The following ANKS1A variants were observed in gnomAD, a reference collection of about 807,000 sequenced individuals.
ANKS1A encodes ankyrin repeat and SAM domain-containing protein 1A.
In ANKS1A, 55 loss-of-function variants were observed where a neutral mutation model predicts 120.3. The ratio of observed to expected loss-of-function variants is 0.46; its 90% CI spans 0.37 to 0.57. The LOEUF (loss-of-function observed/expected upper bound fraction) is 0.57, where lower values mean the gene tolerates loss of function less well. Among genes scored for constraint, ANKS1A ranks in the 20% least tolerant of loss-of-function variants. The probability of loss-of-function intolerance (pLI) is 0.00; values close to 1 mark genes in which losing one functional copy is unlikely to be tolerated. For synonymous variants in ANKS1A, 590 were observed against 604.7 expected, an observed-to-expected ratio of 0.98 and a Z score of 0.36; for missense variants, 1,123 against 1,480.3, an observed-to-expected ratio of 0.76 and a Z score of 3.96.
Position 34,967,266 on chromosome 6 carries a change from T to C in ANKS1A, c.225T>C (p.Cys75=), listed in dbSNP as rs1770941195. The stretch of plus-strand genomic sequence containing the variant: ...TGTGGAGAGGGCCAAATGTGAACTG[T>C]GTTGACAGCACTGGCTACACACCCC... ...LSMWRGPNVN[C]VDSTGYTPLH... Residue 75 remains cysteine, a synonymous_variant, in exon 2 of 24, where the codon TGT becomes TGC. Transcript: ENST00000360359. 1 of 1,614,002 alleles carries C rather than the reference T, an allele frequency of 6.2e-7. No individual in the cohort carries two copies. Among genetic ancestry groups the C allele is most frequent in the Admixed American group, 1.7e-5 (1 of 59,996 alleles).
rs567411635 is a variant in ANKS1A at position 35,086,579 on chromosome 6, C to T, written c.3304-373C>T. On this transcript the variant is annotated intron_variant, in intron 22 of 23. Transcript: ENST00000360359. The surrounding 1 kb of genome is among the most constrained non-coding windows in gnomAD (Gnocchi z 5.1). ...TCTGGGGTGACTGCTGTGGTCTTGC[C>T]TTGGGGTGAGCTCTCTGGGCCTACC... 2.1e-3 allele frequency among the ~76,000 whole-genome samples: 323 copies of T among 152,128 alleles called. 2 individuals are homozygous for T. Among genetic ancestry groups the T allele is most frequent in the African/African-American group, 7.3e-3 (301 of 41,514 alleles).
At chr6:34,932,271 G>A (rs998365810) in intron 1 of ANKS1A, among the ~76,000 whole-genome samples, 5 of 152,210 alleles carry the variant, frequency 3.3e-5, no homozygotes, top group African/African-American at 9.6e-5. Context: ...CTGCAACCTC[G>A]GCCTCCCGGG....
chr6:34,935,590 A>G (rs906237106), intron 1 of ANKS1A, among the ~76,000 whole-genome samples: 2 of 151,864 alleles, frequency 1.3e-5, no homozygotes, highest in Admixed American at 1.3e-4. Flanking sequence ...GTTGTTTCCC[A>G]TCTTTAAACC....
chr6:34,905,798 C>T (rs1767620189), intron 1 of ANKS1A, among the ~76,000 whole-genome samples: 1 of 152,068 alleles, frequency 6.6e-6, no homozygotes, highest in Non-Finnish European at 1.5e-5. Flanking sequence ...GAACGAAATC[C>T]TTAAGTTTGA....
At chr6:35,000,777 A>T (rs1773125635) in intron 10 of ANKS1A, among the ~76,000 whole-genome samples, 1 of 152,186 alleles carries the variant, frequency 6.6e-6, no homozygotes, top group Non-Finnish European at 1.5e-5. Flanking sequence ...TACCTTTGGT[A>T]AAAGGATTAT....
intron 13 of ANKS1A, among the ~76,000 whole-genome samples, chr6:35,072,281 C>G (rs796453500): frequency 2.6e-5 from 4 of 152,364 alleles, no homozygotes; most frequent in African/African-American, 9.6e-5. Flanking sequence ...CGGGCCGACC[C>G]TTGTCATGCT....
At chr6:34,996,372 C>T in intron 10 of ANKS1A, among the ~76,000 whole-genome samples, 1 of 152,078 alleles carries the variant, frequency 6.6e-6, no homozygotes, top group African/African-American at 2.4e-5. Context: ...CAATCTGTGA[C>T]TTGTCTTTTT....
chr6:34,889,718 C>T lies in ANKS1A; in HGVS notation c.197+119C>T, dbSNP rs1040677487. The T allele has an allele frequency of 4.2e-5, 49 of 1,157,824 alleles. No individual in the cohort carries two copies. The highest frequency in any genetic ancestry group is 5.2e-5 in the Non-Finnish European group (49 of 940,646). The allele number at this position is 1,157,824 out of a possible 1,614,324, so 71.7% of individuals were successfully genotyped here. On this transcript the variant is annotated intron_variant, in intron 1 of 23. Coordinates refer to ENST00000360359, the MANE Select transcript of ANKS1A (RefSeq NM_015245.3). The surrounding 1 kb of genome is among the most constrained non-coding windows in gnomAD (Gnocchi z 5.5). ...GGGCGGGGTGGGCTTGTGGCGTGCC[C>T]GGGGCGAGGCAGGCGGCCCGCGGGC...
At position 35,090,352 on chromosome 6, in the gene ANKS1A, C is replaced by G; in HGVS notation, c.*1743C>G. ...GCTGCCACTGCGCACATGCTGGTGCCCGTCTTCCTCCTAAGGGGCCAGGCC... is the reference window on the plus strand; with the variant it reads ...GCTGCCACTGCGCACATGCTGGTGCGCGTCTTCCTCCTAAGGGGCCAGGCC... On this transcript the variant is annotated 3_prime_UTR_variant, in exon 24 of 24. Coordinates refer to ENST00000360359, the MANE Select transcript of ANKS1A (RefSeq NM_015245.3). The G allele has an allele frequency of 7.9e-7, 1 of 1,267,286 alleles. No homozygotes were observed. The highest frequency in any genetic ancestry group is 1.0e-6 in the Non-Finnish European group (1 of 975,626). The allele number at this position is 1,267,286 out of a possible 1,614,324, so 78.5% of individuals were successfully genotyped here.
At chr6:34,998,370 A>G (rs545074374) in intron 10 of ANKS1A, among the ~76,000 whole-genome samples, 30 of 152,186 alleles carry the variant, frequency 2.0e-4, no homozygotes, top group Non-Finnish European at 4.3e-4. Context: ...GTGAGGGAAG[A>G]GAGAGACCCT....
chr6:35,032,387 C>T (rs893334901), intron 11 of ANKS1A, among the ~76,000 whole-genome samples: 63 of 152,234 alleles, frequency 4.1e-4, no homozygotes, highest in Middle Eastern at 3.2e-3. Context: ...CAGCTCTTTC[C>T]GCAGGCACTA....
At chr6:34,936,219 A>G (rs528755652) in intron 1 of ANKS1A, among the ~76,000 whole-genome samples, 1 of 152,328 alleles carries the variant, frequency 6.6e-6, no homozygotes, top group African/African-American at 2.4e-5. Context: ...ACATTATGCC[A>G]ACCAGCTCTT....
chr6:34,990,894 TA>T (rs1772468650), intron 9 of ANKS1A, among the ~76,000 whole-genome samples: 1 of 152,202 alleles, frequency 6.6e-6, no homozygotes, highest in Admixed American at 6.5e-5. Context: ...TGATTATAGG[TA>T]CCTGAATACA....
intron 3 of ANKS1A, chr6:34,972,680 T>C: frequency 1.0e-6 from 1 of 968,532 alleles, no homozygotes; most frequent in Non-Finnish European, 1.2e-6. Context: ...CTGCATCATT[T>C]CTCCAAGCTG....
chr6:35,024,377 G>T (rs1386008224), intron 11 of ANKS1A, among the ~76,000 whole-genome samples: 1 of 152,220 alleles, frequency 6.6e-6, no homozygotes, highest in East Asian at 1.9e-4. Context: ...CTTTGAATGG[G>T]ATTAAAGTTT....
intron 10 of ANKS1A, among the ~76,000 whole-genome samples, chr6:35,004,149 C>CG (rs1445028405): frequency 1.3e-5 from 2 of 151,952 alleles, no homozygotes; most frequent in East Asian, 1.9e-4. Flanking sequence ...TCACACGGAC[C>CG]CCCCCTTAGA....
At chr6:34,980,468 G>C (rs547533180) in intron 3 of ANKS1A, among the ~76,000 whole-genome samples, 1 of 152,218 alleles carries the variant, frequency 6.6e-6, no homozygotes, top group Non-Finnish European at 1.5e-5. Context: ...CAGATCAAAA[G>C]CAGATGGAAT....
chr6:34,962,775 C>T (rs1050857331), intron 1 of ANKS1A, among the ~76,000 whole-genome samples: 7 of 151,596 alleles, frequency 4.6e-5, no homozygotes, highest in African/African-American at 4.8e-5. Flanking sequence ...GGTGACAGAG[C>T]GAGACTCTGT....
chr6:35,072,782 T>C (rs190620518), intron 13 of ANKS1A, among the ~76,000 whole-genome samples: 1 of 152,358 alleles, frequency 6.6e-6, no homozygotes, highest in Admixed American at 6.5e-5. Context: ...GATGGGATTC[T>C]ACGGAGGGAG....
Sources: allele counts gnomAD v4.1 joint callset (sites outside exome capture counted in the v4.1 genomes callset), GRCh38; gene constraint gnomAD v4.1.1; non-coding constraint Gnocchi (gnomAD v3.1); transcripts MANE v1.5; gene names NCBI Gene and HGNC (gene_info 2026-07-23, HGNC 2026-07-21).